Variants in EPHA6 observed in about 807,000 individuals in gnomAD.
The protein encoded by EPHA6 is EPH receptor A6, also known as ephrin type-A receptor 6.
Under a neutral mutation model 112.0 loss-of-function variants are expected in EPHA6, and 50 were observed. The ratio of observed to expected loss-of-function variants is 0.45; its 90% CI spans 0.36 to 0.56. The LOEUF (loss-of-function observed/expected upper bound fraction) is 0.56, where lower values mean the gene tolerates loss of function less well. Ranked by LOEUF, EPHA6 falls within the 20% of genes least tolerant of loss-of-function variation. The pLI is 0.00. For missense variants in EPHA6, 1,280 were observed against 1,417.4 expected (o/e 0.90, Z 1.56); for synonymous variants, 529 against 490.7 (o/e 1.08, Z -1.03).
intron 1 of EPHA6, among the ~76,000 whole-genome samples, chr3:96,859,393 T>TC (rs1180241401): frequency 6.6e-6 from 1 of 151,660 alleles, no homozygotes; most frequent in African/African-American, 2.4e-5. Context: ...ATTTTTTTTT[T>TC]TTTTTTGAGA....
chr3:96,963,756 G>T (rs758653310), intron 2 of EPHA6, among the ~76,000 whole-genome samples: 8 of 152,112 alleles, frequency 5.3e-5, no homozygotes, highest in Non-Finnish European at 1.0e-4. Flanking sequence ...TGTGATCTCT[G>T]CTACACATGT....
intron 15 of EPHA6, among the ~76,000 whole-genome samples, chr3:97,723,405 G>A (rs1175609818): frequency 6.6e-6 from 1 of 152,154 alleles, no homozygotes; most frequent in African/African-American, 2.4e-5. Flanking sequence ...TGTCCAAGAC[G>A]ACCATTTAGA....
chr3:97,604,828 G>A (rs1157563070), intron 12 of EPHA6, among the ~76,000 whole-genome samples: 1 of 151,530 alleles, frequency 6.6e-6, no homozygotes, highest in African/African-American at 2.4e-5. Context: ...TTATTGATTT[G>A]CCATTCTGTT....
In EPHA6 at chr3:96,814,648, G is replaced by C; in HGVS notation, c.25G>C (p.Ala9Pro). ...GATGCAATTCCCCTCGCCTCCAGCC[G>C]CGAGGAGCTCCCCGGCGCCGCAGGC... The part of the protein sequence containing the change: MQFPSPPA[A>P]RSSPAPQAAS... Residue 9 changes from alanine to proline, a missense_variant, in exon 1 of 18, where the codon GCG becomes CCG. Physicochemically the swap from Ala to Pro is conservative, Grantham distance 27. Coordinates refer to ENST00000389672, the MANE Select transcript of EPHA6 (RefSeq NM_001080448.3). The C allele has an allele frequency of 6.8e-7, 1 of 1,471,312 alleles. No homozygotes were observed. The highest frequency in any genetic ancestry group is 9.0e-7 in the Non-Finnish European group (1 of 1,110,818). 91.1% of individuals were successfully genotyped at this position (1,471,312 alleles called of 1,614,324 possible). A position where few individuals can be genotyped will look rare whatever the true frequency, so the allele number is the denominator to read the frequency against.
At chr3:97,181,863 G>A (rs1338607848) in intron 3 of EPHA6, among the ~76,000 whole-genome samples, 2 of 151,916 alleles carry the variant, frequency 1.3e-5, no homozygotes, top group African/African-American at 4.8e-5. Flanking sequence ...CCTTCTTTTC[G>A]ATGGCTCCAC....
chr3:97,236,959 T>C (rs949172991), intron 4 of EPHA6, among the ~76,000 whole-genome samples: 1 of 151,980 alleles, frequency 6.6e-6, no homozygotes, highest in African/African-American at 2.4e-5. Context: ...GCTTGTTATC[T>C]CTTCTTCCCC....
chr3:96,833,897 A>G (rs895616514), intron 1 of EPHA6, among the ~76,000 whole-genome samples: 8 of 152,060 alleles, frequency 5.3e-5, no homozygotes, highest in Admixed American at 4.6e-4. Context: ...ATTCATAAAT[A>G]TATACAAGTA....
chr3:97,191,829 T>C (rs2077314254), intron 3 of EPHA6, among the ~76,000 whole-genome samples: 1 of 152,152 alleles, frequency 6.6e-6, no homozygotes, highest in African/African-American at 2.4e-5. Flanking sequence ...TGATTTCCCT[T>C]CTTTGGGGTA....
chr3:97,305,529 A>C (rs968069538), intron 5 of EPHA6, among the ~76,000 whole-genome samples: 8 of 152,106 alleles, frequency 5.3e-5, no homozygotes, highest in African/African-American at 1.9e-4. Flanking sequence ...ATGGAATACT[A>C]TGCAGCCATA....
intron 5 of EPHA6, among the ~76,000 whole-genome samples, chr3:97,373,171 G>T (rs2085156483): frequency 6.6e-6 from 1 of 151,864 alleles, no homozygotes; most frequent in South Asian, 2.1e-4. Context: ...TTGCAACTTT[G>T]GAATGAAAAG....
chr3:97,198,131 A>G lies in EPHA6; in HGVS notation c.1115-28133A>G, dbSNP rs568151705. On this transcript the variant is annotated intron_variant, in intron 3 of 17. Coordinates refer to ENST00000389672, the MANE Select transcript of EPHA6 (RefSeq NM_001080448.3). Reference sequence around the variant, plus strand: ...CCTTATGATGTTAAAACCAGGTACTATGGTCACTCACCTGATTTTTGTTCC... The same window carrying G: ...CCTTATGATGTTAAAACCAGGTACTGTGGTCACTCACCTGATTTTTGTTCC... Among the ~76,000 whole-genome samples, 5 of 152,210 alleles carry G rather than the reference A, an allele frequency of 3.3e-5. No individual in the cohort carries two copies. In the East Asian group the frequency reaches 7.8e-4, roughly 24 times the overall value.
chr3:96,931,635 A>G (rs1040736742), intron 2 of EPHA6, among the ~76,000 whole-genome samples: 3 of 152,236 alleles, frequency 2.0e-5, no homozygotes, highest in African/African-American at 7.2e-5. Flanking sequence ...CAAAGACAGC[A>G]GGCTGGAATG....
chr3:97,043,091 T>C (rs2045373865), intron 3 of EPHA6, among the ~76,000 whole-genome samples: 1 of 152,168 alleles, frequency 6.6e-6, no homozygotes, highest in Non-Finnish European at 1.5e-5. Context: ...TATCATTCCT[T>C]TTTTCCCCCA....
chr3:97,187,731 AAGAAAGAAAGAAAG>A (rs1311154721), intron 3 of EPHA6, among the ~76,000 whole-genome samples: 7 of 149,916 alleles, frequency 4.7e-5, no homozygotes, highest in African/African-American at 7.5e-5. Flanking sequence ...GAAAGAAAGA[AAGAAAGAAAGAAAG>A]AGGAAAGAAA....
At chr3:97,326,279 A>G (rs2082416522) in intron 5 of EPHA6, among the ~76,000 whole-genome samples, 1 of 151,916 alleles carries the variant, frequency 6.6e-6, no homozygotes, top group Non-Finnish European at 1.5e-5. Flanking sequence ...TAATGTACAG[A>G]TAGACAACAG....
chr3:97,089,661 T>A (rs542918662), intron 3 of EPHA6, among the ~76,000 whole-genome samples: 1 of 152,284 alleles, frequency 6.6e-6, no homozygotes, highest in South Asian at 2.1e-4. Flanking sequence ...TGTGTATCAG[T>A]AGCTTCAAAT....
chr3:97,092,342 A>C (rs1327999548), intron 3 of EPHA6, among the ~76,000 whole-genome samples: 2 of 152,112 alleles, frequency 1.3e-5, no homozygotes, highest in Non-Finnish European at 2.9e-5. Flanking sequence ...AGTTATAGAC[A>C]AAATGTTAAT....
intron 14 of EPHA6, chr3:97,646,283 A>G (rs1288578046): frequency 2.0e-6 from 3 of 1,531,264 alleles, no homozygotes; most frequent in Non-Finnish European, 2.6e-6. Flanking sequence ...CCAGAAAGCA[A>G]TGTGACAAGA....
intron 12 of EPHA6, among the ~76,000 whole-genome samples, chr3:97,600,609 G>T (rs2093635232): frequency 6.6e-6 from 1 of 151,768 alleles, no homozygotes; most frequent in Non-Finnish European, 1.5e-5. Flanking sequence ...AAAAGCCAAG[G>T]CTCTACTCTC....
Sources: gnomAD v4.1 joint callset for allele counts (sites outside exome capture counted in the v4.1 genomes callset) on GRCh38, gnomAD v4.1.1 for gene constraint, MANE v1.5 for transcripts, NCBI Gene and HGNC (gene_info 2026-07-23, HGNC 2026-07-21) for gene names.